The following AKAP9 variants were observed in gnomAD, a reference collection of about 807,000 sequenced individuals.
AKAP9 encodes the protein A-kinase anchor protein 9.
AKAP9 carries 311 observed loss-of-function variants against 488.5 expected under a neutral mutation model. The ratio of observed to expected loss-of-function variants is 0.64; its 90% CI spans 0.58 to 0.70. AKAP9 has a LOEUF of 0.70. Ranked by LOEUF, AKAP9 falls within the 30% of genes least tolerant of loss-of-function variation. AKAP9 has a pLI of 0.00. For synonymous variants in AKAP9, 1,462 were observed against 1,483.5 expected, an observed-to-expected ratio of 0.99 and a Z score of 0.33; for missense variants, 4,215 against 4,374.5, an observed-to-expected ratio of 0.96 and a Z score of 1.03.
In AKAP9 at chr7:91,941,079, C is replaced by G. The variant is rs776655265; in HGVS notation, c.-21C>G. The G allele has an allele frequency of 6.2e-6, 10 of 1,612,766 alleles. No homozygotes were observed. Among genetic ancestry groups the G allele is most frequent in the Non-Finnish European group, 7.6e-6 (9 of 1,178,700 alleles). ...AACCACCCCTCAACCCCTGTTTTCC[C>G]CTGCCTTCCTTGCAGAGGCCATGGA... is the stretch of plus-strand genomic sequence containing the variant. On this transcript the variant is annotated 5_prime_UTR_variant, in exon 1 of 50. Transcript: ENST00000356239.
chr7:91,993,260 C>G (rs1045283108), intron 5 of AKAP9, among the ~76,000 whole-genome samples: 1 of 151,230 alleles, frequency 6.6e-6, no homozygotes, highest in Admixed American at 6.6e-5. Flanking sequence ...GCAATCTCGG[C>G]CCACTGCATC....
intron 12 of AKAP9, 131 bp from the exon 13 acceptor site, chr7:92,022,107 G>A: frequency 1.4e-6 from 1 of 717,536 alleles, no homozygotes; most frequent in African/African-American, 1.7e-5. Flanking sequence ...AAGGGAAAAT[G>A]CTTGTATTAG....
At position 92,061,429 on chromosome 7, in the gene AKAP9, A is replaced by G. The variant is rs2130821684; in HGVS notation, c.5764+7A>G. ...GAGCTCAGTAAGGCTGAGGGTGAGC[A>G]ATTTGCCATTGACAACTAAGGGTAG... On this transcript the variant is annotated splice_region_variant and intron_variant, in intron 23 of 49. Coordinates refer to ENST00000356239, the MANE Select transcript of AKAP9 (RefSeq NM_005751.5). The G allele has an allele frequency of 6.2e-7, 1 of 1,612,556 alleles. No homozygotes were observed. The highest frequency in any genetic ancestry group is 1.7e-5 in the Admixed American group (1 of 59,854).
At chr7:91,993,214 G>A (rs1196714902) in intron 5 of AKAP9, among the ~76,000 whole-genome samples, 159 bp downstream of exon 5, 2 of 148,850 alleles carry the variant, frequency 1.3e-5, no homozygotes, top group African/African-American at 5.0e-5. Flanking sequence ...TTCCATACAG[G>A]GTCTTGCTCT....
intron 19 of AKAP9, among the ~76,000 whole-genome samples, 189 bp from the exon 20 acceptor site, chr7:92,042,479 G>A (rs1439804566): frequency 3.3e-5 from 5 of 152,234 alleles, no homozygotes; most frequent in Non-Finnish European, 5.9e-5. Context: ...ATTTGTGTAC[G>A]AGAATGTTTT....
intron 26 of AKAP9, among the ~76,000 whole-genome samples, chr7:92,067,637 A>G (rs1159758666): frequency 6.6e-6 from 1 of 152,174 alleles, no homozygotes; most frequent in Non-Finnish European, 1.5e-5. Context: ...CATTTTCCTC[A>G]TAGAAACATA....
intron 4 of AKAP9, 127 bp from the exon 5 acceptor site, chr7:91,992,758 A>T: frequency 1.2e-6 from 1 of 843,188 alleles, no homozygotes. Flanking sequence ...GTAGGTTGCC[A>T]TACCATAATC....
In AKAP9 at chr7:92,022,811, TA is replaced by T. The variant is rs1802513736; in HGVS notation, c.3953-2del. On this transcript the variant is annotated splice_acceptor_variant, in intron 13 of 49. Transcript: ENST00000356239. LOFTEE classifies it high-confidence loss of function. ...GCATTTTTTGTCTCTTTATATAACA[TA>T]GATGTCAATCATAAAAGCAAGTTAT... is the stretch of plus-strand genomic sequence containing the variant. The T allele has an allele frequency of 6.4e-7, 1 of 1,564,628 alleles. No individual in the cohort carries two copies. Among genetic ancestry groups the T allele is most frequent in the Admixed American group, 1.7e-5 (1 of 59,538 alleles).
chr7:92,095,340 TG>T (rs1403618303), intron 40 of AKAP9, among the ~76,000 whole-genome samples, 167 bp downstream of exon 40: 1 of 152,230 alleles, frequency 6.6e-6, no homozygotes, highest in Non-Finnish European at 1.5e-5. Flanking sequence ...GAAATGCTAA[TG>T]GAGTGGTGAT....
chr7:92,011,887 GC>G (rs1258015768), intron 8 of AKAP9, among the ~76,000 whole-genome samples: 1 of 152,162 alleles, frequency 6.6e-6, no homozygotes, highest in Non-Finnish European at 1.5e-5. Context: ...GATTGCATGA[GC>G]CCAGGAGTTT....
chr7:91,995,263 C>T (rs1798247706), intron 6 of AKAP9, among the ~76,000 whole-genome samples: 1 of 152,114 alleles, frequency 6.6e-6, no homozygotes, highest in African/African-American at 2.4e-5. Flanking sequence ...AGGCTGTTTC[C>T]AGAACCCAAG....
chr7:92,026,313 C>G (rs1178679958), intron 14 of AKAP9, among the ~76,000 whole-genome samples: 3 of 151,446 alleles, frequency 2.0e-5, no homozygotes, highest in African/African-American at 7.3e-5. Flanking sequence ...AGTCGCTCTC[C>G]CTCTCCCTCT....
At chr7:92,036,441 C>G (rs1805214691) in intron 16 of AKAP9, among the ~76,000 whole-genome samples, 1 of 152,048 alleles carries the variant, frequency 6.6e-6, no homozygotes, top group Admixed American at 6.6e-5. Flanking sequence ...AGTAGCTCAC[C>G]ACACCCAGCT....
chr7:92,062,348 C>T lies in AKAP9; in HGVS notation c.5839C>T (p.Arg1947Cys). ...TCAGGAAAAAACTGATATAATAGAT[C>T]GTCTTGAGCAGGAGTTGTTATGTGC... ...QIQEKTDIID[R>C]LEQELLCASN... The change falls in exon 24 of 50, where the codon CGT (arginine) becomes TGT (cysteine). Residue 1947 changes from arginine to cysteine, a missense_variant. Physicochemically the swap from Arg to Cys is radical, Grantham distance 180 (BLOSUM62 -3). Transcript: ENST00000356239. 1 of 1,613,772 alleles carries T rather than the reference C, an allele frequency of 6.2e-7. No individual in the cohort carries two copies. The highest frequency in any genetic ancestry group is 2.2e-5 in the East Asian group (1 of 44,852).
At chr7:92,107,532 G>C in intron 48 of AKAP9, 110 bp downstream of exon 48, 1 of 1,105,832 alleles carries the variant, frequency 9.0e-7, no homozygotes. Flanking sequence ...AGACATCTTT[G>C]TTATATATAA....
Position 92,065,423 on chromosome 7 carries a change from C to T in AKAP9, c.6170C>T (p.Ala2057Val), listed in dbSNP as rs975290833. Residue 2057 changes from alanine to valine, a missense_variant, in exon 25 of 50, where the codon GCA (alanine) becomes GTA (valine). Around this residue, in one of 5 missense-constraint regions of AKAP9, gnomAD observed 2,361 missense variants for 2,430.0 expected, o/e 0.97. Transcript: ENST00000356239. ...ATGGATTTAAGACAGCAAAACCAAG[C>T]ATTGGAAAAGCAGTTAGAAAAAATG... ...ELMDLRQQNQ[A>V]LEKQLEKMRK... is the part of the protein sequence containing the mutation. 4 of 1,611,498 alleles carry T rather than the reference C, an allele frequency of 2.5e-6. No homozygotes were observed. The African/African-American group carries it at 4.0e-5, about 16-fold the overall frequency.
rs933126463 is a variant in AKAP9 at position 92,068,711 on chromosome 7, C to CTT, written c.6331-1311_6331-1310dup. ...TATTATTAAAGTTTCTCCTCAGCAGCTTTTTTTTTCCTTTTTTTTCTTTTT... is the reference window on the plus strand; with the variant it reads ...TATTATTAAAGTTTCTCCTCAGCAGCTTTTTTTTTTTCCTTTTTTTTCTTTTT... On this transcript the variant is annotated intron_variant, in intron 26 of 49. Transcript: ENST00000356239. Among the ~76,000 whole-genome samples the CTT allele has an allele frequency of 9.3e-5, 14 of 150,514 alleles. No individual in the cohort carries two copies. The East Asian group carries it at 2.7e-3, about 29-fold the overall frequency.
chr7:92,078,810 A>G (rs529612797), intron 30 of AKAP9, among the ~76,000 whole-genome samples: 2 of 152,202 alleles, frequency 1.3e-5, no homozygotes, highest in South Asian at 4.1e-4. Flanking sequence ...ATCCTTTTCC[A>G]TTAAGAAGTA....
intron 14 of AKAP9, 63 bp downstream of exon 14, chr7:92,023,072 T>C (rs760678383): frequency 9.1e-6 from 14 of 1,530,174 alleles, no homozygotes; most frequent in Non-Finnish European, 1.2e-5. Flanking sequence ...TATAGTATCA[T>C]CCAGAATGGT....
Sources: gnomAD v4.1 joint callset for allele counts (sites outside exome capture counted in the v4.1 genomes callset) on GRCh38, gnomAD v4.1.1 for gene constraint, gnomAD v4.1.1 regional missense constraint, MANE v1.5 for transcripts, NCBI Gene and HGNC (gene_info 2026-07-23, HGNC 2026-07-21) for gene names.